CDK13: variants seen among roughly 807,000 people sequenced by gnomAD.
The protein encoded by CDK13 is cyclin dependent kinase 13.
Under a neutral mutation model 137.6 loss-of-function variants are expected in CDK13, and 40 were observed. The ratio of observed to expected loss-of-function variants is 0.29; its 90% confidence interval spans 0.23 to 0.38. CDK13 has a LOEUF of 0.38. Ranked by LOEUF, CDK13 falls within the 10% of genes least tolerant of loss-of-function variation. The pLI, the probability that CDK13 is intolerant of heterozygous loss-of-function variation, is 1.00. For synonymous variants in CDK13, 869 were observed against 760.1 expected (o/e 1.14, Z -2.36); for missense variants, 1,704 against 1,951.8 (o/e 0.87, Z 2.39).
intron 7 of CDK13, among the ~76,000 whole-genome samples, chr7:40,051,109 A>G (rs879679061): frequency 2.6e-5 from 4 of 152,182 alleles, no homozygotes; most frequent in African/African-American, 4.8e-5. Context: ...TTAGAGAACC[A>G]GAGTTTTAAA....
chr7:39,986,361 T>G (rs1583947880), intron 1 of CDK13: 1 of 152,352 alleles, frequency 6.6e-6, no homozygotes, highest in East Asian at 1.9e-4. Context: ...GCCACTATAC[T>G]TTTAAATATA....
chr7:40,097,037 A>T lies in CDK13; in HGVS notation c.*2057A>T, dbSNP rs17496833. 1.3e-5 allele frequency: 2 copies of T among 152,292 alleles called. No individual in the cohort carries two copies. Among genetic ancestry groups the T allele is most frequent in the African/African-American group, 4.8e-5 (2 of 41,588 alleles). The allele number at this position is 152,292 out of a possible 1,614,324, so 9.4% of individuals were successfully genotyped here. A position where few individuals can be genotyped will look rare whatever the true frequency, so the allele number is the denominator to read the frequency against. ...GTTATTCTTAATAGTCACACTTGAT[A>T]ATTCTGCTGACCATAAGCAGCTAAC... On this transcript the variant is annotated 3_prime_UTR_variant, in exon 14 of 14. Coordinates refer to ENST00000181839, the MANE Select transcript of CDK13 (RefSeq NM_003718.5).
intron 1 of CDK13, among the ~76,000 whole-genome samples, chr7:39,957,676 A>G (rs1787460757): frequency 6.6e-6 from 1 of 152,214 alleles, no homozygotes; most frequent in Non-Finnish European, 1.5e-5. Context: ...TTTAGTGTGA[A>G]TGGAATAAAT....
chr7:39,972,145 A>C lies in CDK13; in HGVS notation c.1212-15454A>C, dbSNP rs1026844039. The stretch of plus-strand genomic sequence containing the variant: ...GAAGACAAACACAGAATTTATGCTC[A>C]GTGGACTAGAACATGTTTGCTTGAG... On this transcript the variant is annotated intron_variant, in intron 1 of 13. Transcript: ENST00000181839. Among the ~76,000 whole-genome samples, 5 of 152,228 alleles carry C rather than the reference A, an allele frequency of 3.3e-5. No individual in the cohort carries two copies. In the East Asian group the frequency reaches 7.7e-4, roughly 23 times the overall value.
intron 1 of CDK13, among the ~76,000 whole-genome samples, chr7:39,960,132 G>C (rs767441833): frequency 6.9e-6 from 1 of 144,566 alleles, no homozygotes; most frequent in East Asian, 2.0e-4. Flanking sequence ...GGAATGCTTT[G>C]TTAGTTCTGC....
intron 5 of CDK13, among the ~76,000 whole-genome samples, chr7:40,024,382 C>T (rs887685119): frequency 2.6e-5 from 4 of 152,192 alleles, no homozygotes; most frequent in Admixed American, 1.3e-4. Flanking sequence ...CTCGCTTTGT[C>T]ATTCACCCAT....
chr7:39,957,938 TATTTTG>T (rs1258750691), intron 1 of CDK13, among the ~76,000 whole-genome samples: 3 of 152,310 alleles, frequency 2.0e-5, no homozygotes, highest in South Asian at 4.1e-4. Context: ...TTGTTGTTGT[TATTTTG>T]GTTTTGGTTG....
chr7:40,063,012 T>G lies in CDK13; in HGVS notation c.2703-11T>G, dbSNP rs1463118483. ...AGATCATTTGGTAATGACGGGTATTTTTTCCATTAGCTGTATCCTTGGCGA... is the reference window on the plus strand; with the variant it reads ...AGATCATTTGGTAATGACGGGTATTGTTTCCATTAGCTGTATCCTTGGCGA... On this transcript the variant is annotated splice_polypyrimidine_tract_variant and intron_variant, in intron 8 of 13. Coordinates refer to ENST00000181839, the MANE Select transcript of CDK13 (RefSeq NM_003718.5). 1 of 1,613,110 alleles carries G rather than the reference T, an allele frequency of 6.2e-7. No individual in the cohort carries two copies. The highest frequency in any genetic ancestry group is 8.5e-7 in the Non-Finnish European group (1 of 1,179,272).
intron 9 of CDK13, chr7:40,073,716 T>C (rs1046172216): frequency 2.6e-4 from 39 of 148,028 alleles, no homozygotes; most frequent in Middle Eastern, 3.8e-3. Context: ...CTCAGCCTCC[T>C]GAGTAACTGG....
At chr7:40,046,121 G>A (rs1785733778) in intron 6 of CDK13, 96 bp downstream of exon 6, 10 of 799,206 alleles carry the variant, frequency 1.3e-5, no homozygotes, top group Non-Finnish European at 1.8e-5. Context: ...GGGGAATGTC[G>A]GGGGTGGTGA....
rs1002624952 is a variant in CDK13 at position 40,047,845 on chromosome 7, T to C, written c.2568T>C (p.Phe856=). The part of the protein sequence containing the change: ...NNRGQIKLAD[F]GLARLYSSEE... ...GAGGGCAGATAAAACTTGCAGACTT[T>C]GGACTTGCTCGATTGTATAGCTCAG... Residue 856 remains phenylalanine, a synonymous_variant, in exon 7 of 14, where the codon TTT becomes TTC. Transcript: ENST00000181839. The C allele has an allele frequency of 6.2e-7, 1 of 1,611,450 alleles. No individual in the cohort carries two copies. Among genetic ancestry groups the C allele is most frequent in the South Asian group, 1.1e-5 (1 of 90,992 alleles).
chr7:39,973,367 C>A (rs6955589), intron 1 of CDK13, among the ~76,000 whole-genome samples: 2 of 152,042 alleles, frequency 1.3e-5, no homozygotes, highest in Admixed American at 6.6e-5. Flanking sequence ...CAAACTCAAG[C>A]TCAAGCAATC....
intron 5 of CDK13, among the ~76,000 whole-genome samples, chr7:40,017,245 C>A (rs986167046): frequency 6.6e-6 from 1 of 152,098 alleles, no homozygotes; most frequent in Non-Finnish European, 1.5e-5. Context: ...CGTCTTCCAA[C>A]AGTGCTTTAC....
At chr7:40,006,251 A>T (rs1451950887) in intron 5 of CDK13, among the ~76,000 whole-genome samples, 1 of 152,092 alleles carries the variant, frequency 6.6e-6, no homozygotes, top group Non-Finnish European at 1.5e-5. Context: ...TCATGTATGG[A>T]AGGAGAGTGG....
chr7:40,094,967 G>A lies in CDK13; in HGVS notation c.4526G>A (p.Gly1509Glu), dbSNP rs1239054988. 7.1e-7 allele frequency: 1 copy of A among 1,414,912 alleles called. No homozygotes were observed. The highest frequency in any genetic ancestry group is 2.5e-5 in the East Asian group (1 of 39,642). The allele number at this position is 1,414,912 out of a possible 1,614,324, so 87.6% of individuals were successfully genotyped here. A position where few individuals can be genotyped will look rare whatever the true frequency, so the allele number is the denominator to read the frequency against. Residue 1509 changes from glycine (G) to glutamate (E), a missense_variant, in exon 14 of 14, where the codon GGG becomes GAG. Coordinates refer to ENST00000181839, the MANE Select transcript of CDK13 (RefSeq NM_003718.5). ...TCAACTGGCAGAGGCAGAGGCAGAGGGTTACCATACTGAGTATCTGTTTTT... is the reference window on the plus strand; with the variant it reads ...TCAACTGGCAGAGGCAGAGGCAGAGAGTTACCATACTGAGTATCTGTTTTT... ...STSTGRGRGR[G>E]LPY
Position 40,032,010 on chromosome 7 carries a change from T to A in CDK13, c.2354-13826T>A, listed in dbSNP as rs1448432386. On this transcript the variant is annotated intron_variant, in intron 5 of 13. Transcript: ENST00000181839. ...TGGATACCAATCTCCCAGTCTGACT[T>A]GTCTTTTCGTTTTCTTAGCAGTGTC... Among the ~76,000 whole-genome samples the A allele has an allele frequency of 1.3e-4, 19 of 151,934 alleles. No homozygotes were observed. In the East Asian group the frequency reaches 3.7e-3, roughly 29 times the overall value.
At chr7:40,055,679 A>G (rs895614572) in intron 7 of CDK13, among the ~76,000 whole-genome samples, 1 of 151,444 alleles carries the variant, frequency 6.6e-6, no homozygotes, top group African/African-American at 2.4e-5. Context: ...CCTGGGTTCA[A>G]GCAATTCTCA....
At chr7:40,083,919 T>C (rs766974125) in intron 11 of CDK13, among the ~76,000 whole-genome samples, 4 of 150,224 alleles carry the variant, frequency 2.7e-5, no homozygotes, top group Admixed American at 1.3e-4. Context: ...TAGTTAAAAT[T>C]ATGCATTACT....
intron 6 of CDK13, among the ~76,000 whole-genome samples, chr7:40,046,487 A>G (rs1306676029): frequency 6.6e-6 from 1 of 151,160 alleles, no homozygotes; most frequent in Non-Finnish European, 1.5e-5. Context: ...TCTACCAAAA[A>G]AATAGAAAAG....
Sources: allele counts gnomAD v4.1 joint callset (sites outside exome capture counted in the v4.1 genomes callset), GRCh38; gene constraint gnomAD v4.1.1; transcripts MANE v1.5; gene names NCBI Gene and HGNC (gene_info 2026-07-23, HGNC 2026-07-21).